Variants in TSHZ2 observed in about 807,000 individuals in gnomAD.
TSHZ2 encodes the protein teashirt zinc finger homeobox 2, also known as teashirt homolog 2.
A neutral mutation model predicts 74.4 loss-of-function variants in TSHZ2; 21 were observed. That is an observed-to-expected ratio of 0.28 (90% CI 0.20 to 0.41). TSHZ2 has a LOEUF of 0.41. TSHZ2 is among the 10% of genes least tolerant of loss of function. The pLI is 1.00. For synonymous variants in TSHZ2, 540 were observed against 515.3 expected (o/e 1.05, Z -0.65); for missense variants, 1,244 against 1,293.5 (o/e 0.96, Z 0.59).
intron 2 of TSHZ2, among the ~76,000 whole-genome samples, chr20:53,347,620 G>T (rs1256261536): frequency 7.7e-6 from 1 of 129,676 alleles, no homozygotes; most frequent in African/African-American, 3.3e-5. Context: ...CTGAGATGTT[G>T]TCCATCTTTT....
chr20:53,000,161 T>C (rs1415638756), intron 1 of TSHZ2, among the ~76,000 whole-genome samples: 2 of 152,250 alleles, frequency 1.3e-5, no homozygotes, highest in Non-Finnish European at 2.9e-5. Flanking sequence ...AACTGTGACC[T>C]GTGAGCTAAA....
At chr20:53,161,661 G>T (rs1276156868) in intron 1 of TSHZ2, among the ~76,000 whole-genome samples, 1 of 152,154 alleles carries the variant, frequency 6.6e-6, no homozygotes, top group East Asian at 1.9e-4. Context: ...ATCAGATGTT[G>T]TGAGAACTCA....
chr20:53,004,697 C>T (rs921970174), intron 1 of TSHZ2, among the ~76,000 whole-genome samples: 5 of 152,022 alleles, frequency 3.3e-5, no homozygotes, highest in South Asian at 2.1e-4. Context: ...TGTGGGCGTC[C>T]GTGTGACATC....
intron 2 of TSHZ2, among the ~76,000 whole-genome samples, chr20:53,336,664 G>A (rs1239900523): frequency 6.6e-6 from 1 of 152,144 alleles, no homozygotes; most frequent in Non-Finnish European, 1.5e-5. Context: ...TCTGTGTTAC[G>A]ATGGTAGATA....
chr20:53,458,956 A>C (rs1190763385), intron 2 of TSHZ2, among the ~76,000 whole-genome samples: 3 of 152,088 alleles, frequency 2.0e-5, no homozygotes, highest in African/African-American at 7.2e-5. Context: ...GTTCTTTTAC[A>C]TTTGCTGAGG....
chr20:53,459,379 C>G (rs983919651), intron 2 of TSHZ2, among the ~76,000 whole-genome samples: 1 of 152,008 alleles, frequency 6.6e-6, no homozygotes, highest in African/African-American at 2.4e-5. Context: ...AGGATTGCAA[C>G]CCCTGCCTTT....
Position 53,009,793 on chromosome 20 carries a change from C to T in TSHZ2, c.40+36460C>T, listed in dbSNP as rs1982783080. ...TTATTTCAATGGCAAATGGCAGACC[C>T]TTGGACCAACCACCAAAGATACTCA... is the stretch of plus-strand genomic sequence containing the variant. On this transcript the variant is annotated intron_variant, in intron 1 of 2. Coordinates refer to ENST00000371497, the MANE Select transcript of TSHZ2 (RefSeq NM_173485.6). 5.3e-5 allele frequency among the ~76,000 whole-genome samples: 8 copies of T among 152,252 alleles called. No individual in the cohort carries two copies. In the South Asian group the frequency reaches 1.7e-3, roughly 32 times the overall value.
At chr20:53,375,931 A>G (rs1349499733) in intron 2 of TSHZ2, among the ~76,000 whole-genome samples, 7 of 152,222 alleles carry the variant, frequency 4.6e-5, no homozygotes. Flanking sequence ...CTCATACTCT[A>G]ACAGGATAGG....
Position 53,446,387 on chromosome 20 carries a change from C to A in TSHZ2, c.*9-40757C>A, listed in dbSNP as rs1984543497. On this transcript the variant is annotated intron_variant, in intron 2 of 2. Coordinates refer to ENST00000371497, the MANE Select transcript of TSHZ2 (RefSeq NM_173485.6). ...GACCATCCTGGCTAACACGGTGAAA[C>A]CCCGTCTCTACTAAAAATACAAAAA... is the stretch of plus-strand genomic sequence containing the variant. Among the ~76,000 whole-genome samples, 3 of 139,228 alleles carry A rather than the reference C, an allele frequency of 2.2e-5. No individual in the cohort carries two copies. In the Admixed American group the frequency reaches 2.2e-4, roughly 10 times the overall value. 91.3% of individuals were successfully genotyped at this position (139,228 alleles called of 152,430 possible). A position where few individuals can be genotyped will look rare whatever the true frequency, so the allele number is the denominator to read the frequency against.
intron 1 of TSHZ2, among the ~76,000 whole-genome samples, chr20:53,052,373 A>AG (rs1408462684): frequency 6.6e-6 from 1 of 152,186 alleles, no homozygotes. Flanking sequence ...GTGCGGCATT[A>AG]GATTCTCATA....
intron 1 of TSHZ2, among the ~76,000 whole-genome samples, chr20:53,204,211 G>GATACTATATCATCATATGATGAT (rs1989091904): frequency 3.2e-5 from 1 of 31,274 alleles, no homozygotes; most frequent in East Asian, 9.2e-4. Context: ...ATGATGATAT[G>GATACTATATCATCATATGATGAT]ATACTATATC....
intron 2 of TSHZ2, among the ~76,000 whole-genome samples, chr20:53,380,676 G>A (rs1981825841): frequency 6.6e-6 from 1 of 152,178 alleles, no homozygotes; most frequent in African/African-American, 2.4e-5. Context: ...TATCCCAGCT[G>A]ATTATCCAAG....
Position 53,006,324 on chromosome 20 carries a change from A to C in TSHZ2, c.40+32991A>C, listed in dbSNP as rs552529842. Among the ~76,000 whole-genome samples the C allele has an allele frequency of 2.6e-5, 4 of 152,376 alleles. No individual in the cohort carries two copies. The South Asian group carries it at 8.3e-4, about 32-fold the overall frequency. ...ATATTTTCCCTAACGTTAAGTATTC[A>C]TGCCTGAAAAGAGACTGAGAAATAG... On this transcript the variant is annotated intron_variant, in intron 1 of 2. Coordinates refer to ENST00000371497, the MANE Select transcript of TSHZ2 (RefSeq NM_173485.6).
intron 2 of TSHZ2, among the ~76,000 whole-genome samples, chr20:53,472,899 C>G (rs150244277): frequency 0.2 from 30,571 of 151,936 alleles, 3,252 homozygotes; most frequent in East Asian, 0.29. Flanking sequence ...GGGTGACGGA[C>G]GGCACCTGGA....
intron 1 of TSHZ2, among the ~76,000 whole-genome samples, chr20:53,161,422 G>A (rs532880102): frequency 1.3e-5 from 2 of 152,242 alleles, no homozygotes; most frequent in East Asian, 3.9e-4. Flanking sequence ...GTGATAGAAA[G>A]CCTTACATGT....
intron 1 of TSHZ2, among the ~76,000 whole-genome samples, chr20:53,182,072 GTGCCTAGGCCGGCC>G (rs1010016441): frequency 3.5e-4 from 53 of 152,022 alleles, no homozygotes; most frequent in African/African-American, 1.1e-3. Flanking sequence ...GCCACATATA[GTGCCTAGGCCGGCC>G]TGCCTTCCTT....
chr20:53,047,789 G>T (rs921944044), intron 1 of TSHZ2, among the ~76,000 whole-genome samples: 1 of 152,114 alleles, frequency 6.6e-6, no homozygotes, highest in Non-Finnish European at 1.5e-5. Context: ...AAATTCCTGT[G>T]TGTTAAAACT....
intron 1 of TSHZ2, among the ~76,000 whole-genome samples, chr20:53,189,076 A>G (rs544216905): frequency 1.3e-5 from 2 of 152,318 alleles, no homozygotes; most frequent in Non-Finnish European, 2.9e-5. Context: ...CATATCATTT[A>G]TTTATTGTAC....
chr20:53,248,080 TG>T (rs547597579), intron 1 of TSHZ2, among the ~76,000 whole-genome samples: 105 of 152,312 alleles, frequency 6.9e-4, no homozygotes, highest in African/African-American at 2.3e-3. Context: ...CTTCTGTTGT[TG>T]TTTTTTTGGG....
Sources: gnomAD v4.1 joint callset for allele counts (sites outside exome capture counted in the v4.1 genomes callset) on GRCh38, gnomAD v4.1.1 for gene constraint, MANE v1.5 for transcripts, NCBI Gene and HGNC (gene_info 2026-07-23, HGNC 2026-07-21) for gene names.